ZZEF1: variants seen among roughly 807,000 people sequenced by gnomAD.
The protein encoded by ZZEF1 is zinc finger ZZ-type and EF-hand domain containing 1.
In ZZEF1, 157 loss-of-function variants were observed where a neutral mutation model predicts 342.8. The observed-to-expected ratio is 0.46, with a 90% CI of 0.40 to 0.52. The LOEUF (loss-of-function observed/expected upper bound fraction) is 0.52. Among genes scored for constraint, ZZEF1 ranks in the 20% least tolerant of loss-of-function variants. The pLI, the probability that ZZEF1 is intolerant of heterozygous loss-of-function variation, is 0.00. For synonymous variants in ZZEF1, 1,505 were observed against 1,429.1 expected (o/e 1.05, Z -1.20); for missense variants, 3,480 against 3,725.6 (o/e 0.93, Z 1.72).
chr17:4,034,405 A>C, intron 39 of ZZEF1, 113 bp from the exon 40 acceptor site: 1 of 1,083,396 alleles, frequency 9.2e-7, no homozygotes, highest in East Asian at 2.5e-5. Context: ...TAACGGAATC[A>C]TGCTTGTAGC....
In ZZEF1 at chr17:4,016,580, A is replaced by G; in HGVS notation, c.8002-114T>C. 7.6e-7 allele frequency: 1 copy of G among 1,322,756 alleles called. No individual in the cohort carries two copies. The highest frequency in any genetic ancestry group is 1.5e-5 in the African/African-American group (1 of 67,590). The allele number at this position is 1,322,756 out of a possible 1,614,324, so 81.9% of individuals were successfully genotyped here. On this transcript the variant is annotated intron_variant, in intron 48 of 54. Coordinates refer to ENST00000381638, the MANE Select transcript of ZZEF1 (RefSeq NM_015113.4). This position sits in a 1 kb window ranked among gnomAD's most constrained non-coding sequence, Gnocchi z 4.4. ...GTGCTGGCATCATCTTAGACCTAGG[A>G]CGAGCCTCTGTGACTCCACCACCCA...
chr17:4,080,320 AT>A lies in ZZEF1; in HGVS notation c.2829+1055del, dbSNP rs113284716. Among the ~76,000 whole-genome samples the A allele has an allele frequency of 1.4e-3, 152 of 107,592 alleles. 2 individuals are homozygous for A. The highest frequency in any genetic ancestry group is 3.6e-3 in the African/African-American group (138 of 38,642). The allele number at this position is 107,592 out of a possible 152,430, so 70.6% of individuals were successfully genotyped here. A position where few individuals can be genotyped will look rare whatever the true frequency, so the allele number is the denominator to read the frequency against. On this transcript the variant is annotated intron_variant, in intron 18 of 54. Transcript: ENST00000381638. The stretch of plus-strand genomic sequence containing the variant: ...TCCACGAAATTGCTAAGAAATCTGA[AT>A]TTTTTTTTTGTTTTTTGTTTGTTTG...
At chr17:4,109,019 G>T (rs1391569349) in intron 6 of ZZEF1, among the ~76,000 whole-genome samples, 1 of 152,066 alleles carries the variant, frequency 6.6e-6, no homozygotes, top group Non-Finnish European at 1.5e-5. Flanking sequence ...GCTATAGCTG[G>T]TTGTATTTGT....
At chr17:4,049,280 G>C (rs2056993314) in intron 37 of ZZEF1, among the ~76,000 whole-genome samples, 1 of 152,196 alleles carries the variant, frequency 6.6e-6, no homozygotes, top group African/African-American at 2.4e-5. Flanking sequence ...GGGAGGCCAA[G>C]GCCAGAAGAT....
At chr17:4,027,697 T>C (rs2056447854) in intron 42 of ZZEF1, among the ~76,000 whole-genome samples, 1 of 150,202 alleles carries the variant, frequency 6.7e-6, no homozygotes, top group African/African-American at 2.5e-5. Context: ...TCTCCTCGGC[T>C]CAAGTGATCC....
intron 7 of ZZEF1, 72 bp downstream of exon 7, chr17:4,105,621 T>A (rs1450262043): frequency 8.7e-6 from 10 of 1,150,640 alleles, no homozygotes; most frequent in African/African-American, 7.9e-5. Context: ...TAATATATAT[T>A]TTTTAAAGAC....
chr17:4,082,807 C>T (rs941880951), intron 16 of ZZEF1, among the ~76,000 whole-genome samples: 4 of 152,128 alleles, frequency 2.6e-5, no homozygotes, highest in Non-Finnish European at 4.4e-5. Context: ...CGGAATTTCG[C>T]TCTTGTTGCC....
chr17:4,026,582 C>T (rs1051016801), intron 42 of ZZEF1, among the ~76,000 whole-genome samples: 3 of 149,216 alleles, frequency 2.0e-5, no homozygotes, highest in South Asian at 2.1e-4. Flanking sequence ...AGTACAATGA[C>T]GTGATCTTGG....
chr17:4,117,001 G>C lies in ZZEF1; in HGVS notation c.665C>G (p.Ser222Cys), dbSNP rs754405419. The change falls in exon 3 of 55, where the codon TCT becomes TGT. Residue 222 changes from serine (S) to cysteine (C), a missense_variant. Coordinates refer to ENST00000381638, the MANE Select transcript of ZZEF1 (RefSeq NM_015113.4). ...CTMRSSVLKE[S>C]LDQLVQKEKE... is the part of the protein sequence containing the mutation. ...TTCCTTTTGTACCAGCTGATCCAGA[G>C]ACTCCTTCAGGACGGAAGACCGCAT... The C allele has an allele frequency of 6.2e-6, 10 of 1,611,912 alleles. No homozygotes were observed. The highest frequency in any genetic ancestry group is 1.7e-5 in the Admixed American group (1 of 59,804).
At position 4,059,182 on chromosome 17, in the gene ZZEF1, G is replaced by C. The variant is rs2057232336; in HGVS notation, c.4992C>G (p.Ser1664Arg). ...FLVKAVKGFS[S>R]LNDRSLLPAL... ...AAGTTATCCAGTACCTGTCATTTAG[G>C]CTACTAAATCCTTTAACTGCTTTGA... is the stretch of plus-strand genomic sequence containing the variant. The change falls in exon 31 of 55, where the codon AGC (serine) becomes AGG (arginine). Residue 1664 changes from serine (S) to arginine (R), a missense_variant. Ser to Arg is a moderately radical substitution (Grantham distance 110, BLOSUM62 -1). Around this residue, in one of 5 missense-constraint regions of ZZEF1, gnomAD observed 1,528 missense variants for 1,624.1 expected, o/e 0.94. Coordinates refer to ENST00000381638, the MANE Select transcript of ZZEF1 (RefSeq NM_015113.4). 1 of 1,587,072 alleles carries C rather than the reference G, an allele frequency of 6.3e-7. No individual in the cohort carries two copies. The highest frequency in any genetic ancestry group is 1.4e-5 in the African/African-American group (1 of 73,252).
At chr17:4,073,821 G>A (rs2057556027) in intron 24 of ZZEF1, among the ~76,000 whole-genome samples, 1 of 152,106 alleles carries the variant, frequency 6.6e-6, no homozygotes. Context: ...TAAAGGATAT[G>A]CAATCAACTT....
intron 42 of ZZEF1, among the ~76,000 whole-genome samples, chr17:4,030,807 A>G (rs2727064): frequency 0.51 from 77,443 of 152,144 alleles, 21,959 homozygotes; most frequent in African/African-American, 0.78. Flanking sequence ...ACACAAAAAG[A>G]CAAAGAAACT....
At chr17:4,123,112 G>C (rs1283030257) in intron 2 of ZZEF1, among the ~76,000 whole-genome samples, 3 of 150,714 alleles carry the variant, frequency 2.0e-5, no homozygotes, top group Non-Finnish European at 4.4e-5. Flanking sequence ...AGTAGAGACG[G>C]GGTTTCACTG....
At chr17:4,013,079 ACTCTGTCTC>A (rs1567758873) in intron 52 of ZZEF1, among the ~76,000 whole-genome samples, 1 of 146,182 alleles carries the variant, frequency 6.8e-6, no homozygotes, top group Non-Finnish European at 1.5e-5. Context: ...ACAGAGTGAG[ACTCTGTCTC>A]AAAAAAAAAA....
At chr17:4,137,986 C>T (rs1470229838) in intron 1 of ZZEF1, among the ~76,000 whole-genome samples, 8 of 139,118 alleles carry the variant, frequency 5.8e-5, no homozygotes, top group East Asian at 2.3e-4. Flanking sequence ...AGGGCTCATG[C>T]GGGGGTAGGG....
At chr17:4,046,492 G>A (rs1268392641) in intron 37 of ZZEF1, among the ~76,000 whole-genome samples, 1 of 152,214 alleles carries the variant, frequency 6.6e-6, no homozygotes, top group Non-Finnish European at 1.5e-5. Context: ...GCCAAAGGTG[G>A]AGTGTGATTC....
At chr17:4,142,456 T>A (rs2058875225) in intron 1 of ZZEF1, 86 bp downstream of exon 1, 1 of 1,413,922 alleles carries the variant, frequency 7.1e-7, no homozygotes, top group Admixed American at 2.4e-5. Context: ...CCGCCTGGCC[T>A]CTCCAAAGCA....
chr17:4,135,142 A>G (rs1055163176), intron 1 of ZZEF1, among the ~76,000 whole-genome samples: 2 of 152,196 alleles, frequency 1.3e-5, no homozygotes, highest in Non-Finnish European at 2.9e-5. Flanking sequence ...CCAGATCTGC[A>G]TAAGCTCTCT....
intron 14 of ZZEF1, 119 bp downstream of exon 14, chr17:4,087,315 T>C: frequency 1.4e-6 from 1 of 690,306 alleles, no homozygotes; most frequent in Non-Finnish European, 2.4e-6. Context: ...ATATTTTAAA[T>C]CGAACCATAA....
Sources: gnomAD v4.1 joint callset for allele counts (sites outside exome capture counted in the v4.1 genomes callset) on GRCh38, gnomAD v4.1.1 for gene constraint, gnomAD v4.1.1 regional missense constraint, Gnocchi (gnomAD v3.1) non-coding constraint, MANE v1.5 for transcripts, NCBI Gene and HGNC (gene_info 2026-07-23, HGNC 2026-07-21) for gene names.